Variants in ARHGAP18 observed in about 807,000 individuals in gnomAD.
ARHGAP18 encodes Rho GTPase activating protein 18, also known as rho GTPase-activating protein 18.
Under a neutral mutation model 86.2 loss-of-function variants are expected in ARHGAP18, and 67 were observed. The ratio of observed to expected loss-of-function variants is 0.78; its 90% confidence interval spans 0.64 to 0.95. The LOEUF (loss-of-function observed/expected upper bound fraction) is 0.95, where lower values mean the gene tolerates loss of function less well. ARHGAP18 is among the 40% of genes least tolerant of loss of function. The probability of loss-of-function intolerance (pLI) is 0.00; values close to 1 mark genes in which losing one functional copy is unlikely to be tolerated. For missense variants in ARHGAP18, 691 were observed against 780.4 expected, an observed-to-expected ratio of 0.89 and a Z score of 1.37; for synonymous variants, 283 against 280.4, an observed-to-expected ratio of 1.01 and a Z score of -0.09.
chr6:129,696,928 A>G (rs1774626546), intron 1 of ARHGAP18, among the ~76,000 whole-genome samples: 1 of 152,170 alleles, frequency 6.6e-6, no homozygotes, highest in Non-Finnish European at 1.5e-5. Context: ...TGTGCAAGCC[A>G]TTCCCTCATT....
chr6:129,663,450 A>G lies in ARHGAP18; in HGVS notation c.114-21432T>C, dbSNP rs140881854. Among the ~76,000 whole-genome samples the G allele has an allele frequency of 8.2e-3, 1,246 of 152,290 alleles. 18 individuals are homozygous for G. The highest frequency in any genetic ancestry group is 0.028 in the African/African-American group (1,152 of 41,550). ...TAAAATCCTCTGCATCCTGTTTCCT[A>G]CGCCCCAATAATTAAGTCCAGTCCT... is the stretch of plus-strand genomic sequence containing the variant. On this transcript the variant is annotated intron_variant, in intron 1 of 14. Coordinates refer to ENST00000368149, the MANE Select transcript of ARHGAP18 (RefSeq NM_033515.3).
chr6:129,697,323 G>T (rs564724073), intron 1 of ARHGAP18, among the ~76,000 whole-genome samples: 1 of 152,190 alleles, frequency 6.6e-6, no homozygotes, highest in Non-Finnish European at 1.5e-5. Flanking sequence ...GGTATTTTTA[G>T]CCCCTAAGTT....
At chr6:129,625,776 T>A (rs1789427690) in intron 5 of ARHGAP18, among the ~76,000 whole-genome samples, 1 of 48,934 alleles carries the variant, frequency 2.0e-5, no homozygotes, top group African/African-American at 7.6e-5. Context: ...TATATATATT[T>A]ATATATATAA....
intron 7 of ARHGAP18, among the ~76,000 whole-genome samples, chr6:129,615,703 C>A (rs370209027): frequency 7.2e-5 from 11 of 152,302 alleles, no homozygotes; most frequent in East Asian, 3.8e-4. Flanking sequence ...TTTTATATTG[C>A]CACAGATAAT....
At chr6:129,593,689 C>T (rs1055834926) in intron 12 of ARHGAP18, among the ~76,000 whole-genome samples, 6 of 151,972 alleles carry the variant, frequency 3.9e-5, no homozygotes, top group Admixed American at 2.0e-4. Context: ...TTATCAATCC[C>T]GACAAGTTAA....
intron 5 of ARHGAP18, among the ~76,000 whole-genome samples, chr6:129,623,069 G>T (rs1471558822): frequency 6.6e-6 from 1 of 150,908 alleles, no homozygotes. Flanking sequence ...AAAATGTAAG[G>T]TCATTGATTC....
chr6:129,599,587 G>A (rs928373661), intron 11 of ARHGAP18, among the ~76,000 whole-genome samples: 3 of 152,114 alleles, frequency 2.0e-5, no homozygotes, highest in Non-Finnish European at 4.4e-5. Context: ...ACCCACTGTG[G>A]AAGGTTCCAA....
chr6:129,655,973 G>GA (rs1263759913), intron 1 of ARHGAP18, among the ~76,000 whole-genome samples: 3 of 152,086 alleles, frequency 2.0e-5, no homozygotes, highest in Non-Finnish European at 2.9e-5. Context: ...AGGAGACACT[G>GA]AAAAAAACAG....
intron 1 of ARHGAP18, among the ~76,000 whole-genome samples, chr6:129,688,889 G>A (rs1774478774): frequency 6.6e-6 from 1 of 152,058 alleles, no homozygotes; most frequent in African/African-American, 2.4e-5. Flanking sequence ...ATATTTTGGA[G>A]ATTCAATAGA....
At chr6:129,622,275 G>A (rs542950981) in intron 5 of ARHGAP18, among the ~76,000 whole-genome samples, 1 of 152,134 alleles carries the variant, frequency 6.6e-6, no homozygotes, top group East Asian at 1.9e-4. Flanking sequence ...TTTTTCCCAT[G>A]TTTGGTCCTA....
At chr6:129,694,197 C>A (rs1329712072) in intron 1 of ARHGAP18, among the ~76,000 whole-genome samples, 2 of 152,160 alleles carry the variant, frequency 1.3e-5, no homozygotes, top group Non-Finnish European at 2.9e-5. Context: ...GCTCTGTATA[C>A]ACTTGAAGAA....
At chr6:129,605,833 T>C in intron 10 of ARHGAP18, 44 bp downstream of exon 10, 1 of 1,516,278 alleles carries the variant, frequency 6.6e-7, no homozygotes, top group Non-Finnish European at 9.1e-7. Context: ...AAAATTACTG[T>C]GCTTACTTCT....
At chr6:129,599,427 A>G (rs1788690909) in intron 11 of ARHGAP18, 71 bp from the exon 12 acceptor site, 2 of 1,266,538 alleles carry the variant, frequency 1.6e-6, no homozygotes, top group Non-Finnish European at 1.0e-6. Context: ...AAAAAAAATT[A>G]TATTTTTTTA....
chr6:129,710,051 G>T lies in ARHGAP18; in HGVS notation c.86C>A (p.Ala29Glu), dbSNP rs748659488. The change falls in exon 1 of 15, where the codon GCA (alanine) becomes GAA (glutamate). Residue 29 changes from alanine (A) to glutamate (E), a missense_variant. Transcript: ENST00000368149. ...CGAGGTGGCTTCCTCCCCTGCCTTTGCATGGCTGTTCCCGACGGTCTGGTC... is the reference window on the plus strand; with the variant it reads ...CGAGGTGGCTTCCTCCCCTGCCTTTTCATGGCTGTTCCCGACGGTCTGGTC... ...GKDQTVGNSH[A>E]KAGEEATSSR... The T allele has an allele frequency of 1.2e-6, 2 of 1,613,976 alleles. No individual in the cohort carries two copies. Among genetic ancestry groups the T allele is most frequent in the African/African-American group, 1.3e-5 (1 of 74,932 alleles).
intron 1 of ARHGAP18, among the ~76,000 whole-genome samples, chr6:129,699,666 C>T (rs2187896): frequency 0.24 from 36,859 of 152,048 alleles, 5,240 homozygotes; most frequent in African/African-American, 0.39. Context: ...TTTGCTATTT[C>T]TCCCCTAGGA....
At chr6:129,626,103 C>CATAT (rs1385190649) in intron 5 of ARHGAP18, among the ~76,000 whole-genome samples, 5 of 91,848 alleles carry the variant, frequency 5.4e-5, no homozygotes, top group Non-Finnish European at 7.6e-5. Context: ...CACACACACA[C>CATAT]ACATATATAG....
intron 1 of ARHGAP18, among the ~76,000 whole-genome samples, chr6:129,705,077 G>A (rs1456440635): frequency 6.6e-6 from 1 of 152,116 alleles, no homozygotes; most frequent in African/African-American, 2.4e-5. Context: ...ACCTGCTCAG[G>A]TCTTTATTTT....
At position 129,675,255 on chromosome 6, in the gene ARHGAP18, T is replaced by C. The variant is rs111920989; in HGVS notation, c.114-33237A>G. 6.9e-3 allele frequency among the ~76,000 whole-genome samples: 1,051 copies of C among 151,744 alleles called. 4 individuals carry two copies. Among genetic ancestry groups the C allele is most frequent in the Admixed American group, 0.011 (167 of 15,242 alleles). ...TGGCTAACCCCCTCACCTGGGAGTC[T>C]CTAATTAAGAGGTTGAGTGGCGGGA... On this transcript the variant is annotated intron_variant, in intron 1 of 14. Coordinates refer to ENST00000368149, the MANE Select transcript of ARHGAP18 (RefSeq NM_033515.3).
At chr6:129,626,105 C>CACACAT (rs1425322925) in intron 5 of ARHGAP18, among the ~76,000 whole-genome samples, 43 of 124,916 alleles carry the variant, frequency 3.4e-4, no homozygotes, top group African/African-American at 7.4e-4. Context: ...CACACACACA[C>CACACAT]ATATATAGAA....
Sources: gnomAD v4.1 joint callset for allele counts (sites outside exome capture counted in the v4.1 genomes callset) on GRCh38, gnomAD v4.1.1 for gene constraint, MANE v1.5 for transcripts, NCBI Gene and HGNC (gene_info 2026-07-23, HGNC 2026-07-21) for gene names.